Variants in GUCY1A2 observed in about 807,000 individuals in gnomAD.
The protein encoded by GUCY1A2 is guanylate cyclase soluble subunit alpha-2.
In GUCY1A2, 27 loss-of-function variants were observed where a neutral mutation model predicts 63.5. The observed-to-expected ratio is 0.43, with a 90% CI of 0.31 to 0.59. The LOEUF (loss-of-function observed/expected upper bound fraction) is 0.59. Among genes scored for constraint, GUCY1A2 ranks in the 20% least tolerant of loss-of-function variants. The pLI, the probability that GUCY1A2 is intolerant of heterozygous loss-of-function variation, is 0.11. For synonymous variants in GUCY1A2, 364 were observed against 343.5 expected (o/e 1.06, Z -0.66); for missense variants, 768 against 913.3 (o/e 0.84, Z 2.05).
intron 4 of GUCY1A2, among the ~76,000 whole-genome samples, chr11:106,928,804 G>T (rs1860563917): frequency 6.6e-6 from 1 of 152,134 alleles, no homozygotes; most frequent in Non-Finnish European, 1.5e-5. Context: ...ACATTGAAAA[G>T]GTATGATAAA....
intron 4 of GUCY1A2, among the ~76,000 whole-genome samples, chr11:106,813,796 G>T (rs557259819): frequency 6.6e-6 from 1 of 152,048 alleles, no homozygotes; most frequent in Non-Finnish European, 1.5e-5. Flanking sequence ...TGTTGAGGAG[G>T]ATGATGCCTG....
chr11:106,810,906 A>G (rs949725830), intron 4 of GUCY1A2, among the ~76,000 whole-genome samples: 8 of 152,126 alleles, frequency 5.3e-5, no homozygotes, highest in African/African-American at 1.9e-4. Context: ...TTCAGAAAAT[A>G]AATCCAGGAG....
At chr11:106,926,839 AAC>A (rs1237951374) in intron 4 of GUCY1A2, among the ~76,000 whole-genome samples, 1 of 151,710 alleles carries the variant, frequency 6.6e-6, no homozygotes, top group Non-Finnish European at 1.5e-5. Context: ...AGGAAAATCA[AAC>A]ACAGTTTTAT....
At chr11:106,860,981 G>A (rs948821082) in intron 4 of GUCY1A2, among the ~76,000 whole-genome samples, 3 of 151,868 alleles carry the variant, frequency 2.0e-5, no homozygotes, top group African/African-American at 7.2e-5. Flanking sequence ...TTTTAAGAAG[G>A]AGGAGGAGGA....
intron 4 of GUCY1A2, among the ~76,000 whole-genome samples, chr11:106,914,048 C>G: frequency 6.9e-6 from 1 of 144,402 alleles, no homozygotes; most frequent in African/African-American, 2.6e-5. Flanking sequence ...GGGAGGGAGG[C>G]AGGGAGGGAA....
chr11:106,775,538 T>G (rs1864341001), intron 6 of GUCY1A2, among the ~76,000 whole-genome samples: 1 of 151,852 alleles, frequency 6.6e-6, no homozygotes, highest in Non-Finnish European at 1.5e-5. Flanking sequence ...TCCTGTGAGC[T>G]CAGAGAAGTG....
chr11:106,950,259 A>G (rs1224121753), intron 3 of GUCY1A2, among the ~76,000 whole-genome samples: 1 of 152,190 alleles, frequency 6.6e-6, no homozygotes, highest in East Asian at 1.9e-4. Context: ...CTGGCAGGTG[A>G]CAAAGGGCTC....
chr11:106,866,392 G>A (rs1174142301), intron 4 of GUCY1A2, among the ~76,000 whole-genome samples: 1 of 152,064 alleles, frequency 6.6e-6, no homozygotes, highest in African/African-American at 2.4e-5. Context: ...GTCATTTAAT[G>A]ACTTCAATGC....
rs112453006 is a variant in GUCY1A2 at position 106,828,142 on chromosome 11, G to T, written c.1207-17664C>A. Among the ~76,000 whole-genome samples the T allele has an allele frequency of 2.6e-5, 4 of 151,522 alleles. 2 individuals carry two copies. The highest frequency in any genetic ancestry group is 9.8e-5 in the African/African-American group (4 of 40,944). On this transcript the variant is annotated intron_variant, in intron 4 of 7. Transcript: ENST00000526355. Reference sequence around the variant, plus strand: ...GCATAATTCGCAAATATTTTCTCCCGTTCTGTTGTCTGTTTGTTGATTTTT... The same window carrying T: ...GCATAATTCGCAAATATTTTCTCCCTTTCTGTTGTCTGTTTGTTGATTTTT...
At position 107,014,079 on chromosome 11, in the gene GUCY1A2, C is replaced by CTTTTTTTTTT. The variant is rs71044206; in HGVS notation, c.303+3664_303+3673dup. Among the ~76,000 whole-genome samples, 9 of 70,018 alleles carry CTTTTTTTTTT rather than the reference C, an allele frequency of 1.3e-4. 1 individual carries two copies. Among genetic ancestry groups the CTTTTTTTTTT allele is most frequent in the Admixed American group, 2.2e-4 (1 of 4,590 alleles). 45.9% of individuals were successfully genotyped at this position (70,018 alleles called of 152,430 possible). A position where few individuals can be genotyped will look rare whatever the true frequency, so the allele number is the denominator to read the frequency against. On this transcript the variant is annotated intron_variant, in intron 1 of 7. Transcript: ENST00000526355. The stretch of plus-strand genomic sequence containing the variant: ...AACTTATAATATATGCCATGTTTTC[C>CTTTTTTTTTT]TTTTTTTTTTTTTTTTTTTTTTTTT...
chr11:106,705,744 C>A (rs1237704516), intron 7 of GUCY1A2, among the ~76,000 whole-genome samples: 4 of 152,058 alleles, frequency 2.6e-5, no homozygotes, highest in African/African-American at 9.7e-5. Flanking sequence ...CCTGTAGTCC[C>A]AGCTACTTGG....
intron 1 of GUCY1A2, among the ~76,000 whole-genome samples, chr11:106,990,126 G>C (rs1861452178): frequency 6.6e-6 from 1 of 152,130 alleles, no homozygotes; most frequent in African/African-American, 2.4e-5. Context: ...ATAGATAGTG[G>C]CCTCCTAGTG....
chr11:106,947,756 T>G (rs1418856501), intron 3 of GUCY1A2, among the ~76,000 whole-genome samples: 2 of 151,980 alleles, frequency 1.3e-5, no homozygotes, highest in Non-Finnish European at 2.9e-5. Flanking sequence ...AATTATAACT[T>G]TTAGAAATCA....
intron 6 of GUCY1A2, among the ~76,000 whole-genome samples, chr11:106,772,015 A>G (rs1272699966): frequency 6.6e-6 from 1 of 152,180 alleles, no homozygotes; most frequent in African/African-American, 2.4e-5. Context: ...TCATTAGAGT[A>G]CTTATTGAAC....
chr11:106,844,925 C>T (rs565223717), intron 4 of GUCY1A2, among the ~76,000 whole-genome samples: 1 of 151,780 alleles, frequency 6.6e-6, no homozygotes, highest in South Asian at 2.1e-4. Context: ...TTTCCAATTA[C>T]CTTTCAGGTA....
intron 7 of GUCY1A2, among the ~76,000 whole-genome samples, chr11:106,691,294 T>G (rs550706133): frequency 2.6e-5 from 4 of 152,158 alleles, no homozygotes; most frequent in Admixed American, 6.5e-5. Context: ...TGATACAATC[T>G]AAAGGAAGAA....
At chr11:106,749,430 T>C (rs778980325) in intron 6 of GUCY1A2, among the ~76,000 whole-genome samples, 6 of 152,098 alleles carry the variant, frequency 3.9e-5, no homozygotes, top group Non-Finnish European at 5.9e-5. Flanking sequence ...AGAATCCCTC[T>C]GCTGCTCCAC....
intron 3 of GUCY1A2, among the ~76,000 whole-genome samples, chr11:106,977,730 G>T (rs922181324): frequency 6.6e-6 from 1 of 152,132 alleles, no homozygotes; most frequent in Admixed American, 6.5e-5. Flanking sequence ...AAACTGGTTT[G>T]CCCTATTGTC....
chr11:106,929,401 G>C, intron 4 of GUCY1A2, among the ~76,000 whole-genome samples: 1 of 152,112 alleles, frequency 6.6e-6, no homozygotes, highest in East Asian at 1.9e-4. Context: ...TATGTACTAA[G>C]CTTTGAAAGA....
Sources: gnomAD v4.1 joint callset for allele counts (sites outside exome capture counted in the v4.1 genomes callset) on GRCh38, gnomAD v4.1.1 for gene constraint, MANE v1.5 for transcripts, NCBI Gene and HGNC (gene_info 2026-07-23, HGNC 2026-07-21) for gene names.